STXBP6: variants seen among roughly 807,000 people sequenced by gnomAD.
STXBP6 encodes syntaxin binding protein 6, also known as syntaxin-binding protein 6.
A neutral mutation model predicts 26.9 loss-of-function variants in STXBP6; 21 were observed. That is an observed-to-expected ratio of 0.78 (90% CI 0.55 to 1.12). The LOEUF (loss-of-function observed/expected upper bound fraction) is 1.12, where lower values mean the gene tolerates loss of function less well. Among genes scored for constraint, STXBP6 ranks in the 50% most tolerant of loss-of-function variants. The probability of loss-of-function intolerance (pLI) is 0.00; values close to 1 mark genes in which losing one functional copy is unlikely to be tolerated. For missense variants in STXBP6, 232 were observed against 257.9 expected, an observed-to-expected ratio of 0.90 and a Z score of 0.69; for synonymous variants, 97 against 92.6, an observed-to-expected ratio of 1.05 and a Z score of -0.27.
At chr14:25,011,912 C>A (rs560317855) in intron 1 of STXBP6, among the ~76,000 whole-genome samples, 63 of 152,298 alleles carry the variant, frequency 4.1e-4, no homozygotes, top group African/African-American at 1.4e-3. Flanking sequence ...AGTCAATACT[C>A]TAAAAAACTA....
In STXBP6 at chr14:25,024,568, T is replaced by C. The variant is rs138365857; in HGVS notation, c.-33+25310A>G. On this transcript the variant is annotated intron_variant, in intron 1 of 5. Transcript: ENST00000323944. ...TCTGGGGCCCCAAAAGCTTTTCTGA[T>C]ACAAAGTTAGTAAAGGACAATCAAC... is the stretch of plus-strand genomic sequence containing the variant. Among the ~76,000 whole-genome samples, 1,218 of 152,208 alleles carry C rather than the reference T, an allele frequency of 8.0e-3. 15 individuals carry two copies. The highest frequency in any genetic ancestry group is 0.027 in the African/African-American group (1,101 of 41,510).
intron 1 of STXBP6, among the ~76,000 whole-genome samples, chr14:25,004,929 G>A (rs927021830): frequency 1.3e-5 from 2 of 152,110 alleles, no homozygotes; most frequent in African/African-American, 2.4e-5. Flanking sequence ...TCTGCCATTC[G>A]GATGGAAACA....
intron 2 of STXBP6, among the ~76,000 whole-genome samples, chr14:24,877,366 C>T (rs1033350380): frequency 1.3e-5 from 2 of 152,122 alleles, no homozygotes; most frequent in African/African-American, 2.4e-5. Context: ...ACATCTTACT[C>T]CCATCTCTGT....
chr14:24,853,440 C>A (rs2069224043), intron 4 of STXBP6, among the ~76,000 whole-genome samples: 1 of 152,254 alleles, frequency 6.6e-6, no homozygotes, highest in East Asian at 1.9e-4. Context: ...TTAATTTAAA[C>A]CTTTTTGTGC....
At chr14:24,853,558 G>C (rs1231489612) in intron 4 of STXBP6, among the ~76,000 whole-genome samples, 1 of 152,016 alleles carries the variant, frequency 6.6e-6, no homozygotes, top group Non-Finnish European at 1.5e-5. Context: ...AGGAATTACA[G>C]ACTTTCAAAG....
intron 2 of STXBP6, among the ~76,000 whole-genome samples, chr14:24,954,482 A>T (rs1045052139): frequency 7.2e-5 from 11 of 152,200 alleles, no homozygotes; most frequent in African/African-American, 2.7e-4. Context: ...TCTTCCACCT[A>T]TACAGCGGAA....
intron 4 of STXBP6, among the ~76,000 whole-genome samples, chr14:24,835,347 G>GTT (rs5807267): frequency 1.3e-5 from 2 of 151,846 alleles, no homozygotes; most frequent in South Asian, 4.2e-4. Context: ...ATAATTGAGT[G>GTT]TTTTTTGACC....
At chr14:24,936,401 A>C (rs984572197) in intron 2 of STXBP6, among the ~76,000 whole-genome samples, 1 of 152,240 alleles carries the variant, frequency 6.6e-6, no homozygotes, top group Non-Finnish European at 1.5e-5. Context: ...AGAAGAGGTC[A>C]CTAGTTTGAA....
At position 24,855,958 on chromosome 14, in the gene STXBP6, G is replaced by A; in HGVS notation, c.429C>T (p.Asn143=). The A allele has an allele frequency of 6.2e-6, 10 of 1,605,130 alleles. No individual in the cohort carries two copies. The highest frequency in any genetic ancestry group is 8.5e-6 in the Non-Finnish European group (10 of 1,176,734). The change falls in exon 4 of 6, where the codon AAC becomes AAT. Residue 143 remains asparagine (N), a synonymous_variant. Transcript: ENST00000323944. The stretch of plus-strand genomic sequence containing the variant: ...CACCTCCCATAATTTTGGATTGGCA[G>A]TTAATAAACTCTGGCTTCCTGTCCG... ...YLTDRKPEFI[N]CQSKIMGGNS...
intron 2 of STXBP6, among the ~76,000 whole-genome samples, chr14:24,950,668 CCT>C (rs2073134219): frequency 6.6e-6 from 1 of 152,114 alleles, no homozygotes; most frequent in Non-Finnish European, 1.5e-5. Flanking sequence ...TAACGGTTAT[CCT>C]CTGTCAATAA....
chr14:24,884,325 C>T (rs755329079), intron 2 of STXBP6, among the ~76,000 whole-genome samples: 4 of 152,184 alleles, frequency 2.6e-5, no homozygotes, highest in Non-Finnish European at 4.4e-5. Context: ...TGAAGAACAG[C>T]TGCAAACAGC....
chr14:25,001,947 T>A (rs2074771275), intron 1 of STXBP6, among the ~76,000 whole-genome samples: 1 of 152,254 alleles, frequency 6.6e-6, no homozygotes, highest in South Asian at 2.1e-4. Context: ...TTCAAACATG[T>A]ACCTTCTCCA....
intron 2 of STXBP6, among the ~76,000 whole-genome samples, chr14:24,881,008 G>A (rs990585054): frequency 6.6e-6 from 1 of 152,160 alleles, no homozygotes; most frequent in East Asian, 1.9e-4. Context: ...TGTTTTGAAA[G>A]CATTATTCTC....
At chr14:24,967,802 C>T (rs2073780763) in intron 2 of STXBP6, among the ~76,000 whole-genome samples, 1 of 152,192 alleles carries the variant, frequency 6.6e-6, no homozygotes, top group Non-Finnish European at 1.5e-5. Flanking sequence ...AAGCGTTCTA[C>T]ATCTCTATCA....
chr14:24,894,527 A>G (rs764077738), intron 2 of STXBP6, among the ~76,000 whole-genome samples: 5 of 152,226 alleles, frequency 3.3e-5, no homozygotes, highest in Non-Finnish European at 5.9e-5. Context: ...TCCCCCAGAC[A>G]GGAAACTTAA....
chr14:24,955,877 A>G (rs1328963032), intron 2 of STXBP6, among the ~76,000 whole-genome samples: 1 of 152,192 alleles, frequency 6.6e-6, no homozygotes, highest in Non-Finnish European at 1.5e-5. Flanking sequence ...ATTACTTCAC[A>G]TGTTTACAAC....
intron 2 of STXBP6, among the ~76,000 whole-genome samples, chr14:24,893,235 T>C (rs2070856796): frequency 6.6e-6 from 1 of 152,206 alleles, no homozygotes; most frequent in Admixed American, 6.5e-5. Flanking sequence ...AAAACAACAA[T>C]AGCTAACACT....
chr14:24,974,808 T>G lies in STXBP6; in HGVS notation c.11A>C (p.Lys4Thr). The change falls in exon 2 of 6, where the codon AAA becomes ACA. Residue 4 changes from lysine to threonine, a missense_variant. Coordinates refer to ENST00000323944, the MANE Select transcript of STXBP6 (RefSeq NM_001394410.1). The stretch of plus-strand genomic sequence containing the variant: ...AAAAATTTCCTTGCTGATAGCAGAT[T>G]TGGCACTCATTGTAGAACAAGTGAG... The part of the protein sequence containing the change: MSA[K>T]SAISKEIFAP... The G allele has an allele frequency of 6.2e-7, 1 of 1,607,568 alleles. No individual in the cohort carries two copies. Among genetic ancestry groups the G allele is most frequent in the Non-Finnish European group, 8.5e-7 (1 of 1,176,468 alleles).
chr14:24,818,370 G>A (rs2068041451), intron 5 of STXBP6, among the ~76,000 whole-genome samples: 5 of 152,310 alleles, frequency 3.3e-5, no homozygotes, highest in Admixed American at 2.0e-4. Context: ...AGTTCTCAGC[G>A]AGTATGAGAA....
Sources: gnomAD v4.1 joint callset for allele counts (sites outside exome capture counted in the v4.1 genomes callset) on GRCh38, gnomAD v4.1.1 for gene constraint, MANE v1.5 for transcripts, NCBI Gene and HGNC (gene_info 2026-07-23, HGNC 2026-07-21) for gene names.